Variants in SLIT2 observed in about 807,000 individuals in gnomAD.
The protein encoded by SLIT2 is slit guidance ligand 2, also known as slit homolog 2 protein.
In SLIT2, 41 loss-of-function variants were observed where a neutral mutation model predicts 185.7. That is an observed-to-expected ratio of 0.22 (90% CI 0.17 to 0.29). The LOEUF (loss-of-function observed/expected upper bound fraction) is 0.29. SLIT2 is among the 10% of genes least tolerant of loss of function. The probability of loss-of-function intolerance (pLI) is 1.00; values close to 1 mark genes in which losing one functional copy is unlikely to be tolerated. For synonymous variants in SLIT2, 693 were observed against 680.2 expected (o/e 1.02, Z -0.29); for missense variants, 1,571 against 1,909.0 (o/e 0.82, Z 3.30).
At chr4:20,478,925 A>G (rs1716405188) in intron 5 of SLIT2, among the ~76,000 whole-genome samples, 3 of 152,206 alleles carry the variant, frequency 2.0e-5, no homozygotes, top group Non-Finnish European at 2.9e-5. Context: ...TCTTGGAACC[A>G]CAGCAGCCAT....
intron 4 of SLIT2, among the ~76,000 whole-genome samples, chr4:20,351,729 C>G (rs1405324765): frequency 2.6e-5 from 4 of 152,044 alleles, no homozygotes; most frequent in African/African-American, 9.7e-5. Flanking sequence ...AAAGGAAGGC[C>G]CTGGGCTTTG....
chr4:20,551,666 TTAAC>T (rs2148892384), intron 25 of SLIT2, among the ~76,000 whole-genome samples: 1 of 152,268 alleles, frequency 6.6e-6, no homozygotes, highest in South Asian at 2.1e-4. Context: ...AACTATCTAT[TTAAC>T]TATGCCTAAA....
At chr4:20,416,858 G>A (rs563563237) in intron 4 of SLIT2, among the ~76,000 whole-genome samples, 1 of 152,094 alleles carries the variant, frequency 6.6e-6, no homozygotes, top group South Asian at 2.1e-4. Context: ...TCCCTGTTCA[G>A]TTAAACAAGT....
intron 4 of SLIT2, among the ~76,000 whole-genome samples, chr4:20,368,962 G>A (rs1370413034): frequency 6.6e-6 from 1 of 152,078 alleles, no homozygotes; most frequent in South Asian, 2.1e-4. Context: ...CTCAATGATG[G>A]AGACAGAAAA....
chr4:20,335,809 G>A (rs932435190), intron 4 of SLIT2, among the ~76,000 whole-genome samples: 3 of 152,066 alleles, frequency 2.0e-5, no homozygotes, highest in African/African-American at 7.2e-5. Flanking sequence ...AGGACTCATA[G>A]GCCATAGTCA....
intron 4 of SLIT2, among the ~76,000 whole-genome samples, chr4:20,332,295 C>A (rs1228023706): frequency 6.6e-6 from 1 of 151,942 alleles, no homozygotes; most frequent in Non-Finnish European, 1.5e-5. Flanking sequence ...GAGCAGATAC[C>A]CGTGTTTTAT....
intron 4 of SLIT2, among the ~76,000 whole-genome samples, chr4:20,371,873 T>A (rs1224140769): frequency 6.6e-6 from 1 of 152,138 alleles, no homozygotes; most frequent in Non-Finnish European, 1.5e-5. Context: ...TTGGTGATTA[T>A]CCATTTACCT....
intron 4 of SLIT2, among the ~76,000 whole-genome samples, chr4:20,285,439 A>T (rs1715170279): frequency 6.6e-6 from 1 of 152,230 alleles, no homozygotes; most frequent in African/African-American, 2.4e-5. Flanking sequence ...GCCCCAAATC[A>T]GAACACCTCC....
At chr4:20,433,310 A>G (rs1729122523) in intron 4 of SLIT2, among the ~76,000 whole-genome samples, 1 of 152,258 alleles carries the variant, frequency 6.6e-6, no homozygotes, top group Admixed American at 6.5e-5. Context: ...TCTGTGGGTG[A>G]AAGGTTAACT....
chr4:20,345,396 C>T (rs1441825075), intron 4 of SLIT2, among the ~76,000 whole-genome samples: 2 of 152,126 alleles, frequency 1.3e-5, no homozygotes, highest in Non-Finnish European at 2.9e-5. Context: ...TGTCCAGGTC[C>T]AGCATCCTAT....
chr4:20,256,235 G>A (rs543297130), intron 1 of SLIT2, among the ~76,000 whole-genome samples: 185 of 151,966 alleles, frequency 1.2e-3, no homozygotes, highest in Non-Finnish European at 1.4e-3. Context: ...CCTAAGGACA[G>A]TGTTCTGAAT....
At chr4:20,269,456 T>C (rs573943687) in intron 4 of SLIT2, among the ~76,000 whole-genome samples, 1 of 151,996 alleles carries the variant, frequency 6.6e-6, no homozygotes, top group Non-Finnish European at 1.5e-5. Context: ...AAGGAAGTAA[T>C]TCCTTAAAGG....
At chr4:20,529,364 A>T (rs1257600636) in intron 16 of SLIT2, among the ~76,000 whole-genome samples, 1 of 152,154 alleles carries the variant, frequency 6.6e-6, no homozygotes, top group African/African-American at 2.4e-5. Flanking sequence ...AATGGTATTT[A>T]TTTGATGCTT....
At chr4:20,502,527 T>C (rs1161328007) in intron 9 of SLIT2, among the ~76,000 whole-genome samples, 1 of 152,132 alleles carries the variant, frequency 6.6e-6, no homozygotes, top group African/African-American at 2.4e-5. Flanking sequence ...GTAAAATATG[T>C]GTGCACAAAA....
intron 9 of SLIT2, among the ~76,000 whole-genome samples, chr4:20,496,725 G>A (rs539427429): frequency 6.6e-6 from 1 of 152,204 alleles, no homozygotes; most frequent in Admixed American, 6.5e-5. Flanking sequence ...CACTACTGAT[G>A]ACCCAGCAAA....
chr4:20,465,049 C>T (rs1714186258), intron 4 of SLIT2, among the ~76,000 whole-genome samples: 1 of 152,120 alleles, frequency 6.6e-6, no homozygotes, highest in Non-Finnish European at 1.5e-5. Context: ...ATTGTTCAAA[C>T]ATAGTCTAAT....
chr4:20,538,153 G>A (rs970952069), intron 18 of SLIT2, among the ~76,000 whole-genome samples: 3 of 152,062 alleles, frequency 2.0e-5, no homozygotes, highest in African/African-American at 7.2e-5. Context: ...GTAGAGACCA[G>A]GTTTCACTGT....
At chr4:20,320,668 G>A (rs895841522) in intron 4 of SLIT2, among the ~76,000 whole-genome samples, 1 of 152,044 alleles carries the variant, frequency 6.6e-6, no homozygotes, top group Admixed American at 6.6e-5. Context: ...TTCCTGGACA[G>A]TTTTAAGCTC....
intron 4 of SLIT2, among the ~76,000 whole-genome samples, chr4:20,352,079 A>G (rs572826040): frequency 1.3e-5 from 2 of 152,280 alleles, no homozygotes; most frequent in African/African-American, 4.8e-5. Context: ...TATGCTGGCA[A>G]AGTGTCAGTG....
Sources: allele counts gnomAD v4.1 joint callset (sites outside exome capture counted in the v4.1 genomes callset), GRCh38; gene constraint gnomAD v4.1.1; transcripts MANE v1.5; gene names NCBI Gene and HGNC (gene_info 2026-07-23, HGNC 2026-07-21).